Variants in SHISAL1 observed in about 807,000 individuals in gnomAD.
SHISAL1 encodes the protein shisa like 1.
SHISAL1 carries 9 observed loss-of-function variants against 22.6 expected under a neutral mutation model. The ratio of observed to expected loss-of-function variants is 0.40; its 90% CI spans 0.24 to 0.70. The LOEUF (loss-of-function observed/expected upper bound fraction) is 0.70. Among genes scored for constraint, SHISAL1 ranks in the 30% least tolerant of loss-of-function variants. The pLI, the probability that SHISAL1 is intolerant of heterozygous loss-of-function variation, is 0.39. For missense variants in SHISAL1, 246 were observed against 270.6 expected, an observed-to-expected ratio of 0.91 and a Z score of 0.64; for synonymous variants, 119 against 115.4, an observed-to-expected ratio of 1.03 and a Z score of -0.20.
intron 4 of SHISAL1, among the ~76,000 whole-genome samples, chr22:44,250,789 C>A (rs1455898772): frequency 1.3e-5 from 2 of 152,222 alleles, no homozygotes; most frequent in African/African-American, 4.8e-5. Flanking sequence ...CCCTTCATAC[C>A]ATTGCAGTTG....
chr22:44,282,364 C>T (rs1162006912), intron 4 of SHISAL1, among the ~76,000 whole-genome samples: 2 of 152,250 alleles, frequency 1.3e-5, no homozygotes, highest in East Asian at 1.9e-4. Flanking sequence ...CCTCCACCTC[C>T]CCTGGCATCA....
At chr22:44,290,508 A>G (rs1253693061) in intron 3 of SHISAL1, among the ~76,000 whole-genome samples, 2 of 149,960 alleles carry the variant, frequency 1.3e-5, no homozygotes, top group East Asian at 3.9e-4. Flanking sequence ...CAGCCTGGGC[A>G]ACAAGAGGGA....
Position 44,285,590 on chromosome 22 carries a change from G to A in SHISAL1, c.437C>T (p.Pro146Leu), listed in dbSNP as rs770673821. 2 of 1,613,986 alleles carry A rather than the reference G, an allele frequency of 1.2e-6. No homozygotes were observed. Among genetic ancestry groups the A allele is most frequent in the African/African-American group, 2.7e-5 (2 of 75,056 alleles). The change falls in exon 4 of 5, where the codon CCC becomes CTC. Residue 146 changes from proline (P) to leucine (L), a missense_variant. Pro to Leu is a moderately conservative substitution (Grantham distance 98, BLOSUM62 -3). Around this residue, in one of 2 missense-constraint regions of SHISAL1, gnomAD observed 136 missense variants for 117.5 expected, o/e 1.16. Coordinates refer to ENST00000381176, the MANE Select transcript of SHISAL1 (RefSeq NM_001099294.2). ...GIQGRWMKQDPRRWGNPARAP... is the reference protein window; with the variant it reads ...GIQGRWMKQDLRRWGNPARAP... ...CCGAGCGGGGTTCCCCCACCGCCGG[G>A]GGTCCTGTTTCATCCATCGTCCTTG...
chr22:44,320,217 G>A, the SHISAL1 span, among the ~76,000 whole-genome samples: 1 of 152,206 alleles, frequency 6.6e-6, no homozygotes, highest in African/African-American at 2.4e-5. Context: ...GAGAGGGACA[G>A]AAGGACCTCC....
intron 4 of SHISAL1, among the ~76,000 whole-genome samples, chr22:44,276,665 G>A (rs2055241632): frequency 6.6e-6 from 1 of 152,166 alleles, no homozygotes; most frequent in Non-Finnish European, 1.5e-5. Flanking sequence ...GAGGCAGCGG[G>A]GATGTGGATG....
intron 4 of SHISAL1, among the ~76,000 whole-genome samples, chr22:44,250,796 G>C (rs531837927): frequency 1.5e-4 from 23 of 152,220 alleles, no homozygotes; most frequent in Non-Finnish European, 2.5e-4. Flanking sequence ...TACCATTGCA[G>C]TTGAATTTCT....
intron 4 of SHISAL1, among the ~76,000 whole-genome samples, chr22:44,264,764 G>A (rs1277939132): frequency 6.6e-6 from 1 of 150,588 alleles, no homozygotes; most frequent in Non-Finnish European, 1.5e-5. Flanking sequence ...GATCTTGGAC[G>A]AGGTCCCCAA....
chr22:44,257,231 C>T (rs1190280182), intron 4 of SHISAL1, among the ~76,000 whole-genome samples: 1 of 152,220 alleles, frequency 6.6e-6, no homozygotes, highest in African/African-American at 2.4e-5. Flanking sequence ...GACATGCTCA[C>T]AAGGGCAACA....
rs116541049 is a variant in SHISAL1, at chr22:44,281,058, C to T, written c.599+4370G>A. Among the ~76,000 whole-genome samples the T allele has an allele frequency of 5.0e-3, 765 of 152,268 alleles. 9 individuals carry two copies. Among genetic ancestry groups the T allele is most frequent in the African/African-American group, 0.017 (710 of 41,572 alleles). On this transcript the variant is annotated intron_variant, in intron 4 of 4. Transcript: ENST00000381176. ...ACCCTGGGGGCACAGCAGCTTCCCTCGGTGCCCCCTCCACTGCTTGCTCCT... is the reference window on the plus strand; with the variant it reads ...ACCCTGGGGGCACAGCAGCTTCCCTTGGTGCCCCCTCCACTGCTTGCTCCT...
chr22:44,320,773 T>C, the SHISAL1 span, among the ~76,000 whole-genome samples: 2 of 151,978 alleles, frequency 1.3e-5, no homozygotes, highest in Admixed American at 1.3e-4. Flanking sequence ...CACTCCCAGG[T>C]GGTGCTCATG....
intron 1 of SHISAL1, among the ~76,000 whole-genome samples, chr22:44,311,112 T>C (rs914541084): frequency 3.3e-5 from 5 of 151,454 alleles, no homozygotes; most frequent in Non-Finnish European, 7.4e-5. Flanking sequence ...TGGAAGTCCC[T>C]TATTTTAGCC....
At chr22:44,284,969 C>A (rs563941253) in intron 4 of SHISAL1, among the ~76,000 whole-genome samples, 1 of 139,860 alleles carries the variant, frequency 7.2e-6, no homozygotes, top group African/African-American at 2.8e-5. Flanking sequence ...AGAACTAGTA[C>A]CCCTCATGCC....
Position 44,300,885 on chromosome 22 carries a change from A to G in SHISAL1, c.61T>C (p.Ser21Pro). 1 of 1,614,048 alleles carries G rather than the reference A, an allele frequency of 6.2e-7. No homozygotes were observed. Among genetic ancestry groups the G allele is most frequent in the Admixed American group, 1.7e-5 (1 of 60,020 alleles). ...GCATCCACGGAGGTTTTACCTGCAG[A>G]AAACAGCAATGAGAAGAGGACGGCG... Reference protein sequence around the residue: ...VLAVLFSLLFSAVLSAHFRVC... With the variant: ...VLAVLFSLLFPAVLSAHFRVC... Residue 21 changes from serine to proline, a missense_variant, in exon 2 of 5, where the codon TCT (serine) becomes CCT (proline). Transcript: ENST00000381176.
At chr22:44,330,846 G>C in the SHISAL1 span, among the ~76,000 whole-genome samples, 1 of 152,008 alleles carries the variant, frequency 6.6e-6, no homozygotes, top group Non-Finnish European at 1.5e-5. Flanking sequence ...ATGTTGATTC[G>C]GCCCCGGAGG....
intron 4 of SHISAL1, among the ~76,000 whole-genome samples, chr22:44,285,129 G>C (rs140257363): frequency 6.6e-6 from 1 of 152,138 alleles, no homozygotes; most frequent in South Asian, 2.1e-4. Context: ...TTGGCAGCTA[G>C]GTAACCCAAA....
At chr22:44,307,039 C>G (rs187011574) in intron 1 of SHISAL1, among the ~76,000 whole-genome samples, 1 of 152,156 alleles carries the variant, frequency 6.6e-6, no homozygotes, top group Non-Finnish European at 1.5e-5. Context: ...ATAATGATGG[C>G]GTGTTACACC....
At chr22:44,285,773 A>C (rs1041748329) in intron 3 of SHISAL1, 28 bp from the exon 4 acceptor site, 1 of 1,573,758 alleles carries the variant, frequency 6.4e-7, no homozygotes, top group Admixed American at 1.7e-5. Flanking sequence ...GGGAGTGAGC[A>C]AGCAGAGGGG....
upstream of SHISAL1, among the ~76,000 whole-genome samples, chr22:44,314,012 G>A (rs570383059): frequency 7.2e-5 from 11 of 152,260 alleles, no homozygotes; most frequent in South Asian, 2.1e-4. Context: ...GCAGCCTGAC[G>A]GGGTAGGGGC....
intron 4 of SHISAL1, among the ~76,000 whole-genome samples, chr22:44,263,586 A>C (rs1479396186): frequency 6.6e-6 from 1 of 152,200 alleles, no homozygotes; most frequent in Non-Finnish European, 1.5e-5. Flanking sequence ...AGATGAGCCT[A>C]GATTAACTGG....
Sources: allele counts gnomAD v4.1 joint callset (sites outside exome capture counted in the v4.1 genomes callset), GRCh38; gene constraint gnomAD v4.1.1; regional missense constraint gnomAD v4.1.1; transcripts MANE v1.5; gene names NCBI Gene and HGNC (gene_info 2026-07-23, HGNC 2026-07-21).